The following FBXO42 variants were observed in gnomAD, a reference collection of about 807,000 sequenced individuals.
FBXO42 encodes F-box protein 42.
A neutral mutation model predicts 71.7 loss-of-function variants in FBXO42; 12 were observed. That is an observed-to-expected ratio of 0.17 (90% CI 0.11 to 0.27). The LOEUF (loss-of-function observed/expected upper bound fraction) is 0.27, where lower values mean the gene tolerates loss of function less well. Among genes scored for constraint, FBXO42 ranks in the 10% least tolerant of loss-of-function variants. The pLI, the probability that FBXO42 is intolerant of heterozygous loss-of-function variation, is 1.00. For missense variants in FBXO42, 707 were observed against 911.9 expected, an observed-to-expected ratio of 0.78 and a Z score of 2.89; for synonymous variants, 325 against 327.5, an observed-to-expected ratio of 0.99 and a Z score of 0.08.
intron 4 of FBXO42, among the ~76,000 whole-genome samples, chr1:16,278,697 C>A (rs994132314): frequency 1.3e-5 from 2 of 152,076 alleles, no homozygotes; most frequent in Non-Finnish European, 2.9e-5. Flanking sequence ...CCATATGTAA[C>A]CTTTTTAAGG....
intron 4 of FBXO42, among the ~76,000 whole-genome samples, chr1:16,266,873 T>C (rs958626485): frequency 3.9e-5 from 6 of 152,184 alleles, no homozygotes; most frequent in Admixed American, 1.3e-4. Flanking sequence ...CACTGGAGGA[T>C]AGCGTGGCAC....
At chr1:16,340,081 CAGA>C (rs1390458310) in intron 1 of FBXO42, among the ~76,000 whole-genome samples, 1 of 151,682 alleles carries the variant, frequency 6.6e-6, no homozygotes, top group African/African-American at 2.4e-5. Flanking sequence ...GAGGCTGAGG[CAGA>C]AGAATGGCGT....
At chr1:16,331,835 G>T (rs1444860689) in intron 1 of FBXO42, among the ~76,000 whole-genome samples, 1 of 151,970 alleles carries the variant, frequency 6.6e-6, no homozygotes, top group Non-Finnish European at 1.5e-5. Context: ...CAGATCACCT[G>T]AGGTCAGGAG....
intron 2 of FBXO42, among the ~76,000 whole-genome samples, chr1:16,312,443 AACTATATG>A: frequency 6.6e-6 from 1 of 152,170 alleles, no homozygotes; most frequent in Non-Finnish European, 1.5e-5. Context: ...GTATGATTCC[AACTATATG>A]ACCTTCTAGA....
At chr1:16,266,981 C>T (rs1386508319) in intron 4 of FBXO42, among the ~76,000 whole-genome samples, 3 of 152,114 alleles carry the variant, frequency 2.0e-5, no homozygotes, top group Admixed American at 6.5e-5. Context: ...GGCAATACTT[C>T]GTAAGGGCAA....
intron 1 of FBXO42, among the ~76,000 whole-genome samples, chr1:16,342,812 C>T (rs2082619796): frequency 1.3e-5 from 2 of 152,036 alleles, no homozygotes; most frequent in South Asian, 4.1e-4. Context: ...TCATGAGTGA[C>T]TTGGTGCTGT....
At chr1:16,298,896 T>C (rs1029182903) in intron 3 of FBXO42, among the ~76,000 whole-genome samples, 2 of 152,178 alleles carry the variant, frequency 1.3e-5, no homozygotes, top group South Asian at 2.1e-4. Context: ...ACTAAAAGAG[T>C]CAAGGGTTTG....
At chr1:16,341,615 A>T (rs1424085262) in intron 1 of FBXO42, among the ~76,000 whole-genome samples, 3 of 83,190 alleles carry the variant, frequency 3.6e-5, no homozygotes, top group African/African-American at 1.0e-4. Flanking sequence ...CTTTTAAAAA[A>T]AAAAAAAAAA....
At chr1:16,331,422 A>AAATAATAATAATAAT (rs200267691) in intron 1 of FBXO42, among the ~76,000 whole-genome samples, 81 of 145,682 alleles carry the variant, frequency 5.6e-4, no homozygotes, top group African/African-American at 1.9e-3. Context: ...CTCAAAAAGA[A>AAATAATAATAATAAT]AATAATAATA....
chr1:16,315,400 T>C lies in FBXO42; in HGVS notation c.19A>G (p.Ser7Gly). 2 of 1,614,154 alleles carry C rather than the reference T, an allele frequency of 1.2e-6. No homozygotes were observed. The highest frequency in any genetic ancestry group is 1.7e-6 in the Non-Finnish European group (2 of 1,180,016). ...ACAGCCATGAAACTGTCATCTTCAC[T>C]GTCCGAGGAGCTGGCCATGACATTC... The part of the protein sequence containing the change: MASSSD[S>G]EDDSFMAVDQ... Residue 7 changes from serine to glycine, a missense_variant, in exon 2 of 10, where the codon AGT (serine) becomes GGT (glycine). Ser to Gly is a moderately conservative substitution (Grantham distance 56, BLOSUM62 0). Coordinates refer to ENST00000375592, the MANE Select transcript of FBXO42 (RefSeq NM_018994.3).
At chr1:16,343,334 A>G (rs1270036330) in intron 1 of FBXO42, among the ~76,000 whole-genome samples, 2 of 152,132 alleles carry the variant, frequency 1.3e-5, no homozygotes, top group Non-Finnish European at 2.9e-5. Context: ...GCTTGAAGAC[A>G]CGAATTCCAG....
chr1:16,350,756 AAAAAGAAAGAAAG>A lies in FBXO42; in HGVS notation c.-18+1486_-18+1498del, dbSNP rs750988189. On this transcript the variant is annotated intron_variant, in intron 1 of 9. Transcript: ENST00000375592. ...AGTGAGAAACTGCAAAAAAAAAAAA[AAAAAGAAAGAAAG>A]AAAGAAAGAAAGAAAGAAAGAAAGA... is the stretch of plus-strand genomic sequence containing the variant. 5.6e-3 allele frequency among the ~76,000 whole-genome samples: 717 copies of A among 128,480 alleles called. 9 individuals are homozygous for A. Among genetic ancestry groups the A allele is most frequent in the Non-Finnish European group, 8.4e-3 (481 of 57,374 alleles). The allele number at this position is 128,480 out of a possible 152,430, so 84.3% of individuals were successfully genotyped here. A position where few individuals can be genotyped will look rare whatever the true frequency, so the allele number is the denominator to read the frequency against.
rs2081585033 is a variant in FBXO42 at position 16,250,956 on chromosome 1, T to G, written c.1868A>C (p.His623Pro). ...SLPPIARRLG[H>P]HPPQSLNVGK... Reference sequence around the variant, plus strand: ...AACATTTAGGGACTGTGGAGGGTGGTGGCCCAGGCGGCGAGCAATGGGAGG... The same window carrying G: ...AACATTTAGGGACTGTGGAGGGTGGGGGCCCAGGCGGCGAGCAATGGGAGG... Residue 623 changes from histidine to proline, a missense_variant, in exon 10 of 10, where the codon CAC (histidine) becomes CCC (proline). Transcript: ENST00000375592. This position sits in a 1 kb window ranked among gnomAD's most constrained non-coding sequence, Gnocchi z 4.7. The G allele has an allele frequency of 6.2e-7, 1 of 1,614,144 alleles. No individual in the cohort carries two copies. Among genetic ancestry groups the G allele is most frequent in the Middle Eastern group, 1.6e-4 (1 of 6,062 alleles).
At chr1:16,268,591 G>A (rs1008792303) in intron 4 of FBXO42, among the ~76,000 whole-genome samples, 4 of 152,128 alleles carry the variant, frequency 2.6e-5, no homozygotes, top group Non-Finnish European at 5.9e-5. Flanking sequence ...ATGGGTCAGG[G>A]AGGAGCTAAT....
intron 1 of FBXO42, among the ~76,000 whole-genome samples, chr1:16,325,330 T>C (rs770698131): frequency 2.6e-5 from 4 of 152,118 alleles, no homozygotes; most frequent in Non-Finnish European, 4.4e-5. Flanking sequence ...AAGTACACAG[T>C]TTAATATTTT....
chr1:16,272,087 G>A (rs1456354897), intron 4 of FBXO42, among the ~76,000 whole-genome samples: 4 of 147,206 alleles, frequency 2.7e-5, no homozygotes, highest in Non-Finnish European at 4.5e-5. Flanking sequence ...TCTGGGAGGC[G>A]GAGGTTGCAG....
chr1:16,250,092 T>G lies in FBXO42; in HGVS notation c.*578A>C, dbSNP rs1569797249. The G allele has an allele frequency of 6.6e-6, 1 of 152,220 alleles. No individual in the cohort carries two copies. The highest frequency in any genetic ancestry group is 1.5e-5 in the Non-Finnish European group (1 of 68,042). 9.4% of individuals were successfully genotyped at this position (152,220 alleles called of 1,614,324 possible). A position where few individuals can be genotyped will look rare whatever the true frequency, so the allele number is the denominator to read the frequency against. On this transcript the variant is annotated 3_prime_UTR_variant, in exon 10 of 10. Coordinates refer to ENST00000375592, the MANE Select transcript of FBXO42 (RefSeq NM_018994.3). The surrounding 1 kb of genome is among the most constrained non-coding windows in gnomAD (Gnocchi z 4.7). The stretch of plus-strand genomic sequence containing the variant: ...AATAAAATCCTTTGTTGGGTAACTT[T>G]CCTCAGCCATAAAAGGCAAGAGGGG...
At chr1:16,268,701 C>T (rs554904860) in intron 4 of FBXO42, among the ~76,000 whole-genome samples, 1 of 152,270 alleles carries the variant, frequency 6.6e-6, no homozygotes, top group East Asian at 1.9e-4. Context: ...CAGCAGCTCA[C>T]GCCTGTAATC....
chr1:16,290,891 T>C (rs1298202830), intron 4 of FBXO42, among the ~76,000 whole-genome samples: 1 of 152,180 alleles, frequency 6.6e-6, no homozygotes, highest in Admixed American at 6.6e-5. Context: ...TGGTATTTTG[T>C]ATGGCACCCT....
Sources: allele counts gnomAD v4.1 joint callset (sites outside exome capture counted in the v4.1 genomes callset), GRCh38; gene constraint gnomAD v4.1.1; non-coding constraint Gnocchi (gnomAD v3.1); transcripts MANE v1.5; gene names NCBI Gene and HGNC (gene_info 2026-07-23, HGNC 2026-07-21).